The following PAX5 variants were observed in gnomAD, a reference collection of about 807,000 sequenced individuals.
The protein encoded by PAX5 is paired box protein Pax-5.
PAX5 carries 9 observed loss-of-function variants against 43.7 expected under a neutral mutation model. The ratio of observed to expected loss-of-function variants is 0.21; its 90% confidence interval spans 0.12 to 0.36. The LOEUF (loss-of-function observed/expected upper bound fraction) is 0.36, where lower values mean the gene tolerates loss of function less well. PAX5 is among the 10% of genes least tolerant of loss of function. PAX5 has a pLI of 1.00. For missense variants in PAX5, 383 were observed against 532.7 expected, an observed-to-expected ratio of 0.72 and a Z score of 2.77; for synonymous variants, 228 against 214.3, an observed-to-expected ratio of 1.06 and a Z score of -0.56.
chr9:37,009,739 T>C (rs1838767882), intron 3 of PAX5, among the ~76,000 whole-genome samples: 1 of 152,192 alleles, frequency 6.6e-6, no homozygotes, highest in East Asian at 1.9e-4. Context: ...TACCCCATTT[T>C]TCATGGTGGG....
chr9:36,975,080 C>T (rs1835305621), intron 5 of PAX5, among the ~76,000 whole-genome samples: 1 of 152,258 alleles, frequency 6.6e-6, no homozygotes, highest in African/African-American at 2.4e-5. Context: ...TTCTGGGTGT[C>T]CTCAGCACGT....
intron 5 of PAX5, among the ~76,000 whole-genome samples, chr9:36,972,490 A>G (rs75613351): frequency 0.013 from 2,052 of 152,316 alleles, 44 homozygotes; most frequent in African/African-American, 0.047. Context: ...GTAGTATTAA[A>G]TGAGCATTGA....
At chr9:36,923,029 G>T (rs1262887818) in intron 7 of PAX5, 7 of 276,460 alleles carry the variant, frequency 2.5e-5, no homozygotes, top group Non-Finnish European at 4.1e-5. Flanking sequence ...TCTCATGAAA[G>T]AAATAAACCC....
rs192234702 is a variant in PAX5, at chr9:37,030,788, A to G, written c.46+3198T>C. On this transcript the variant is annotated intron_variant, in intron 1 of 9. Coordinates refer to ENST00000358127, the MANE Select transcript of PAX5 (RefSeq NM_016734.3). ...CAGCGCACTGCATTACCGTGGCTTCAGGATGTGGGGGCTGCTACAGTGTTC... is the reference window on the plus strand; with the variant it reads ...CAGCGCACTGCATTACCGTGGCTTCGGGATGTGGGGGCTGCTACAGTGTTC... Among the ~76,000 whole-genome samples, 16 of 152,262 alleles carry G rather than the reference A, an allele frequency of 1.1e-4. No homozygotes were observed. In the East Asian group the frequency reaches 2.9e-3, roughly 28 times the overall value.
intron 6 of PAX5, among the ~76,000 whole-genome samples, chr9:36,927,695 C>T (rs1830759935): frequency 6.8e-6 from 1 of 147,788 alleles, no homozygotes; most frequent in Admixed American, 6.9e-5. Context: ...CCATCTGTGC[C>T]TTTCCTTTTT....
At chr9:36,951,846 T>C (rs1833035426) in intron 6 of PAX5, among the ~76,000 whole-genome samples, 1 of 152,238 alleles carries the variant, frequency 6.6e-6, no homozygotes, top group African/African-American at 2.4e-5. Context: ...ATGCATTCTA[T>C]TACCATAATG....
intron 8 of PAX5, among the ~76,000 whole-genome samples, chr9:36,869,779 G>A (rs991344090): frequency 6.6e-6 from 1 of 152,234 alleles, no homozygotes; most frequent in Admixed American, 6.5e-5. Flanking sequence ...GGAAAGGAAG[G>A]AAGCGATAGT....
chr9:36,879,070 C>T (rs1313544282), intron 8 of PAX5, among the ~76,000 whole-genome samples: 1 of 152,212 alleles, frequency 6.6e-6, no homozygotes, highest in East Asian at 1.9e-4. Flanking sequence ...TGCTTGTTTC[C>T]TCCCTCCACA....
chr9:37,033,152 C>T (rs1415712966), intron 1 of PAX5, among the ~76,000 whole-genome samples: 1 of 152,250 alleles, frequency 6.6e-6, no homozygotes. Flanking sequence ...CACAGGAGAC[C>T]TGTTTGTACA....
chr9:37,010,978 C>G (rs938470878), intron 3 of PAX5, among the ~76,000 whole-genome samples: 2 of 151,918 alleles, frequency 1.3e-5, no homozygotes, highest in Admixed American at 1.3e-4. Context: ...AAAAATTAGC[C>G]AGGCATGGTG....
chr9:36,852,861 C>T (rs945052899), intron 8 of PAX5, among the ~76,000 whole-genome samples: 3 of 152,198 alleles, frequency 2.0e-5, no homozygotes, highest in Non-Finnish European at 4.4e-5. Context: ...CAGAGCAGGG[C>T]CTGGGACCCT....
chr9:36,955,782 AATAT>A lies in PAX5; in HGVS notation c.780+10763_780+10766del, dbSNP rs10593538. ...CCTCTTTTTGTTTCAAAAAAAAAAA[AATAT>A]ATATATATATATATATACCCACACA... On this transcript the variant is annotated intron_variant, in intron 6 of 9. Transcript: ENST00000358127. Among the ~76,000 whole-genome samples the A allele has an allele frequency of 4.2e-4, 55 of 132,506 alleles. 1 individual carries two copies. The highest frequency in any genetic ancestry group is 6.3e-4 in the East Asian group (3 of 4,800). The allele number at this position is 132,506 out of a possible 152,430, so 86.9% of individuals were successfully genotyped here.
chr9:36,861,679 G>A (rs906830770), intron 8 of PAX5, among the ~76,000 whole-genome samples: 4 of 151,932 alleles, frequency 2.6e-5, no homozygotes, highest in Non-Finnish European at 4.4e-5. Context: ...AGTGTGGGAG[G>A]TGTGTGGCTA....
chr9:36,870,238 AACAGGCTC>A (rs1307487513), intron 8 of PAX5, among the ~76,000 whole-genome samples: 2 of 152,200 alleles, frequency 1.3e-5, no homozygotes, highest in Admixed American at 1.3e-4. Context: ...AATACATTTC[AACAGGCTC>A]TCTCCCAAGC....
At chr9:36,881,002 G>C (rs1815915) in intron 8 of PAX5, among the ~76,000 whole-genome samples, 126,953 of 152,222 alleles carry the variant, frequency 0.83, 53,043 homozygotes, top group Admixed American at 0.88. Flanking sequence ...ACCTAAGAGA[G>C]AGCATGGTGA....
At chr9:36,903,642 T>C (rs1828581535) in intron 7 of PAX5, among the ~76,000 whole-genome samples, 1 of 152,224 alleles carries the variant, frequency 6.6e-6, no homozygotes, top group Admixed American at 6.5e-5. Context: ...TCATACCTGC[T>C]GTGTCTGCCC....
intron 7 of PAX5, among the ~76,000 whole-genome samples, chr9:36,883,652 C>G (rs1826655827): frequency 6.6e-6 from 1 of 151,944 alleles, no homozygotes; most frequent in Non-Finnish European, 1.5e-5. Flanking sequence ...GCCTGAGAGA[C>G]AGAGTGAGAC....
intron 1 of PAX5, among the ~76,000 whole-genome samples, chr9:37,025,817 C>T (rs1840296568): frequency 6.6e-6 from 1 of 152,156 alleles, no homozygotes; most frequent in African/African-American, 2.4e-5. Flanking sequence ...AATTGGCTTC[C>T]TCTTTCTTTC....
In PAX5 at chr9:37,002,807, G is replaced by T. The variant is rs986040046; in HGVS notation, c.476-31C>A. On this transcript the variant is annotated intron_variant, in intron 4 of 9. Coordinates refer to ENST00000358127, the MANE Select transcript of PAX5 (RefSeq NM_016734.3). ...CGGAGAAAGACGGGCGGTCAGGGCC[G>T]CAGAGGGCTGAGGGCGGCGGACCGG... 4.4e-6 allele frequency: 7 copies of T among 1,592,030 alleles called. No homozygotes were observed. The African/African-American group carries it at 9.4e-5, about 21-fold the overall frequency.
Sources: allele counts gnomAD v4.1 joint callset (sites outside exome capture counted in the v4.1 genomes callset), GRCh38; gene constraint gnomAD v4.1.1; transcripts MANE v1.5; gene names NCBI Gene and HGNC (gene_info 2026-07-23, HGNC 2026-07-21).